Variants in FAM199X observed in about 807,000 individuals in gnomAD.
FAM199X encodes family with sequence similarity 199, X-linked.
FAM199X carries 4 observed loss-of-function variants against 22.9 expected under a neutral mutation model. That is an observed-to-expected ratio of 0.17 (90% CI 0.09 to 0.40). The LOEUF is 0.40. Ranked by LOEUF, FAM199X falls within the 10% of genes least tolerant of loss-of-function variation. FAM199X has a pLI of 1.00. For synonymous variants in FAM199X, 101 were observed against 112.3 expected (o/e 0.90, Z 0.64); for missense variants, 183 against 306.8 (o/e 0.60, Z 3.01).
upstream of FAM199X, among the ~76,000 whole-genome samples, chrX:104,163,383 A>G (rs782514485): frequency 1.8e-5 from 2 of 111,733 alleles, no homozygotes; most frequent in Non-Finnish European, 3.8e-5. Flanking sequence ...ATAAGGAACT[A>G]CTATACCCAC....
In FAM199X at chrX:104,186,065, G is replaced by A. The variant is rs1556379027; in HGVS notation, c.418-1G>A. ...CCCACACCCTCCTTATTTTTATAAA[G>A]TTACCAGGCAGTGACATTGCCAGTG... On this transcript the variant is annotated splice_acceptor_variant, in intron 2 of 5. Transcript: ENST00000493442. LOFTEE classifies it high-confidence loss of function. The A allele has an allele frequency of 8.3e-7, 1 of 1,201,940 alleles. No homozygotes were observed. Among genetic ancestry groups the A allele is most frequent in the African/African-American group, 1.8e-5 (1 of 56,828 alleles).
upstream of FAM199X, among the ~76,000 whole-genome samples, chrX:104,166,331 G>A (rs1328638156): frequency 3.5e-5 from 4 of 113,035 alleles, no homozygotes; most frequent in Admixed American, 9.2e-5. Context: ...CGTAGAGGGC[G>A]GGGCGGGCCG....
At chrX:104,188,335 ACCTTT>A in intron 5 of FAM199X, 29 bp downstream of exon 5, 1 of 1,197,050 alleles carries the variant, frequency 8.4e-7, no homozygotes, top group Non-Finnish European at 1.1e-6. Flanking sequence ...ACAAAACTTT[ACCTTT>A]CAATATTAAC....
At chrX:104,165,385 TCTC>T (rs782683502), upstream of FAM199X, among the ~76,000 whole-genome samples, 11 of 111,810 alleles carry the variant, frequency 9.8e-5, no homozygotes, top group African/African-American at 3.3e-4. Context: ...ACCCCCCACT[TCTC>T]CTGCCCTCTT....
intron 2 of FAM199X, among the ~76,000 whole-genome samples, chrX:104,184,684 C>T (rs1453929631): frequency 9.0e-6 from 1 of 111,273 alleles, no homozygotes; most frequent in Non-Finnish European, 1.9e-5. Flanking sequence ...TTTGTCTACA[C>T]TTTGTCTTCT....
At position 104,190,091 on chromosome X, in the gene FAM199X, G is replaced by C. The variant is rs782506135; in HGVS notation, c.*313G>C. 31 of 202,131 alleles carry C rather than the reference G, an allele frequency of 1.5e-4. No individual in the cohort carries two copies. Among genetic ancestry groups the C allele is most frequent in the Admixed American group, 2.7e-4 (4 of 14,708 alleles). 16.7% of individuals were successfully genotyped at this position (202,131 alleles called of 1,213,427 possible). A position where few individuals can be genotyped will look rare whatever the true frequency, so the allele number is the denominator to read the frequency against. ...GTCTAGTTTAAGAACCACTACTTTG[G>C]GTAAACGTTTTGACTGTTTAAAGTT... is the stretch of plus-strand genomic sequence containing the variant. On this transcript the variant is annotated 3_prime_UTR_variant, in exon 6 of 6. Transcript: ENST00000493442.
chrX:104,171,426 G>A (rs781978708), intron 1 of FAM199X, among the ~76,000 whole-genome samples: 1 of 111,801 alleles, frequency 8.9e-6, no homozygotes, highest in Non-Finnish European at 1.9e-5. Context: ...CTTTCTCTTA[G>A]TGGAATATAA....
At chrX:104,174,143 AC>A (rs782572952) in intron 1 of FAM199X, among the ~76,000 whole-genome samples, 384 of 109,982 alleles carry the variant, frequency 3.5e-3, no homozygotes, top group African/African-American at 0.012. Flanking sequence ...GGCATGTTGC[AC>A]CTGTGGTCCC....
chrX:104,178,144 T>C (rs1172248067), intron 2 of FAM199X, among the ~76,000 whole-genome samples: 8 of 111,390 alleles, frequency 7.2e-5, no homozygotes, highest in Non-Finnish European at 1.3e-4. Flanking sequence ...ATTCATTCTT[T>C]CTTTTTTTTG....
At chrX:104,173,994 T>G (rs1245894201) in intron 1 of FAM199X, among the ~76,000 whole-genome samples, 1 of 112,230 alleles carries the variant, frequency 8.9e-6, no homozygotes, top group African/African-American at 3.2e-5. Context: ...AATGTTTCTG[T>G]GCTGGTGCAG....
intron 1 of FAM199X, among the ~76,000 whole-genome samples, chrX:104,172,262 T>C (rs1198906116): frequency 2.4e-5 from 2 of 84,562 alleles, no homozygotes; most frequent in Non-Finnish European, 4.6e-5. Flanking sequence ...AAAAAAGAAA[T>C]GTGAAAATTA....
chrX:104,171,720 G>A (rs1921357852), intron 1 of FAM199X, among the ~76,000 whole-genome samples: 1 of 111,849 alleles, frequency 8.9e-6, no homozygotes, highest in African/African-American at 3.2e-5. Context: ...CTCCTATATT[G>A]TTGGGTGTTT....
intron 1 of FAM199X, among the ~76,000 whole-genome samples, chrX:104,168,363 TA>T (rs1416056419): frequency 1.2e-4 from 14 of 112,442 alleles, no homozygotes; most frequent in African/African-American, 4.5e-4. Flanking sequence ...GGAGCAGAAC[TA>T]ATTGATCCAG....
At chrX:104,185,950 G>A in intron 2 of FAM199X, 116 bp from the exon 3 acceptor site, 1 of 731,805 alleles carries the variant, frequency 1.4e-6, no homozygotes, top group South Asian at 2.8e-5. Flanking sequence ...ACAGCCAGCA[G>A]CACGTCAGTC....
At chrX:104,166,102 G>A (rs1921170253), upstream of FAM199X, among the ~76,000 whole-genome samples, 1 of 112,359 alleles carries the variant, frequency 8.9e-6, no homozygotes, top group African/African-American at 3.2e-5. Flanking sequence ...CACACTGCAG[G>A]AGCTCAATAA....
At chrX:104,163,688 C>CTT (rs1180760241), upstream of FAM199X, among the ~76,000 whole-genome samples, 16 of 94,236 alleles carry the variant, frequency 1.7e-4, no homozygotes, top group African/African-American at 3.9e-4. Context: ...GGAGGGACCT[C>CTT]TTTTTTTTTT....
intron 2 of FAM199X, among the ~76,000 whole-genome samples, chrX:104,184,309 A>G (rs1461045591): frequency 8.9e-6 from 1 of 112,332 alleles, no homozygotes; most frequent in African/African-American, 3.2e-5. Context: ...GCAGAAGCCT[A>G]GAAATCATCC....
At position 104,166,479 on chromosome X, in the gene FAM199X, G is replaced by A. The variant is rs1276055233; in HGVS notation, c.-307G>A. ...GTCGCAAGCGGCGAGCGCAGTGGGC[G>A]GGGCGGGCCTGGCCGGGCCGGGCGG... On this transcript the variant is annotated 5_prime_UTR_variant, in exon 1 of 6. Coordinates refer to ENST00000493442, the MANE Select transcript of FAM199X (RefSeq NM_207318.4). 1.3e-5 allele frequency: 2 copies of A among 157,852 alleles called. No individual in the cohort carries two copies. Among genetic ancestry groups the A allele is most frequent in the African/African-American group, 3.1e-5 (1 of 32,591 alleles). 13.0% of individuals were successfully genotyped at this position (157,852 alleles called of 1,213,427 possible). A position where few individuals can be genotyped will look rare whatever the true frequency, so the allele number is the denominator to read the frequency against.
chrX:104,169,032 G>A (rs1382813198), intron 1 of FAM199X, among the ~76,000 whole-genome samples: 1 of 111,001 alleles, frequency 9.0e-6, no homozygotes, highest in African/African-American at 3.3e-5. Flanking sequence ...TCTGTCCTAG[G>A]CTACCTTGCC....
Sources: allele counts gnomAD v4.1 joint callset (sites outside exome capture counted in the v4.1 genomes callset), GRCh38; gene constraint gnomAD v4.1.1; transcripts MANE v1.5; gene names NCBI Gene and HGNC (gene_info 2026-07-23, HGNC 2026-07-21).